NCOR1: variants seen among roughly 807,000 people sequenced by gnomAD.
NCOR1 encodes protein phosphatase 1, regulatory subunit 109.
In NCOR1, 63 loss-of-function variants were observed where a neutral mutation model predicts 288.1. That is an observed-to-expected ratio of 0.22 (90% CI 0.18 to 0.27). The LOEUF (loss-of-function observed/expected upper bound fraction) is 0.27, where lower values mean the gene tolerates loss of function less well. Among genes scored for constraint, NCOR1 ranks in the 10% least tolerant of loss-of-function variants. The pLI is 1.00. For missense variants in NCOR1, 2,397 were observed against 3,019.2 expected (o/e 0.79, Z 4.83); for synonymous variants, 1,007 against 1,065.9 (o/e 0.94, Z 1.08).
chr17:16,095,244 C>T (rs1468969326), intron 21 of NCOR1, among the ~76,000 whole-genome samples: 2 of 150,784 alleles, frequency 1.3e-5, no homozygotes, highest in Admixed American at 6.6e-5. Context: ...AGGAGCACCT[C>T]GGCCCGGCCG....
chr17:16,095,634 C>G (rs1187805641), intron 21 of NCOR1, among the ~76,000 whole-genome samples: 1 of 106,684 alleles, frequency 9.4e-6, no homozygotes, highest in Non-Finnish European at 2.0e-5. Context: ...AGCCCCTCTG[C>G]CCGGCCAGCC....
intron 43 of NCOR1, chr17:16,040,065 C>T (rs922846957): frequency 6.9e-6 from 3 of 435,374 alleles, no homozygotes; most frequent in Non-Finnish European, 1.3e-5. Flanking sequence ...GCTGGGATTA[C>T]AGGCGTGAGC....
At chr17:16,172,633 G>A (rs1049582127) in intron 3 of NCOR1, among the ~76,000 whole-genome samples, 1 of 152,182 alleles carries the variant, frequency 6.6e-6, no homozygotes, top group Admixed American at 6.5e-5. Flanking sequence ...CAGTCTTAAA[G>A]ACAAGTCTCT....
chr17:16,104,596 C>T lies in NCOR1; in HGVS notation c.2183-2839G>A, dbSNP rs555649058. Among the ~76,000 whole-genome samples, 4 of 152,238 alleles carry T rather than the reference C, an allele frequency of 2.6e-5. No individual in the cohort carries two copies. The South Asian group carries it at 6.2e-4, about 24-fold the overall frequency. On this transcript the variant is annotated intron_variant, in intron 19 of 45. Transcript: ENST00000268712. Reference sequence around the variant, plus strand: ...GACCAGCTTGGGCCACATAGTAAGACCTCATCTCTACAAAAAAATTAAAAA... The same window carrying T: ...GACCAGCTTGGGCCACATAGTAAGATCTCATCTCTACAAAAAAATTAAAAA...
intron 14 of NCOR1, among the ~76,000 whole-genome samples, chr17:16,129,382 T>C (rs1029413226): frequency 6.6e-6 from 1 of 152,250 alleles, no homozygotes; most frequent in Non-Finnish European, 1.5e-5. Context: ...GTACCTACTA[T>C]TCTACTTGCT....
chr17:16,168,470 G>C (rs1481553015), intron 4 of NCOR1, among the ~76,000 whole-genome samples: 2 of 151,782 alleles, frequency 1.3e-5, no homozygotes, highest in Non-Finnish European at 2.9e-5. Flanking sequence ...CAAAGTGCTG[G>C]GATTACAGGC....
chr17:16,092,647 T>TTATTTATATATATATA (rs1555628451), intron 21 of NCOR1, among the ~76,000 whole-genome samples: 5 of 32,132 alleles, frequency 1.6e-4, no homozygotes, highest in Admixed American at 5.9e-4. Flanking sequence ...TCAGATCCAT[T>TTATTTATATATATATA]TATATATATA....
chr17:16,181,937 A>C (rs940223304), intron 3 of NCOR1, among the ~76,000 whole-genome samples: 6 of 152,190 alleles, frequency 3.9e-5, no homozygotes, highest in Admixed American at 2.0e-4. Context: ...TATGGGTAAC[A>C]AACTTTTTTT....
chr17:16,059,834 T>A (rs543354817), intron 37 of NCOR1, among the ~76,000 whole-genome samples: 1 of 152,284 alleles, frequency 6.6e-6, no homozygotes, highest in South Asian at 2.1e-4. Flanking sequence ...CCCCACCAGG[T>A]CATGGAAACT....
rs71299858 is a variant in NCOR1 at position 16,056,308 on chromosome 17, C to CTTTTTTTTTTTTTTTTTT, written c.6392+1188_6392+1205dup. Among the ~76,000 whole-genome samples, 4 of 96,006 alleles carry CTTTTTTTTTTTTTTTTTT rather than the reference C, an allele frequency of 4.2e-5. 1 individual carries two copies. Among genetic ancestry groups the CTTTTTTTTTTTTTTTTTT allele is most frequent in the African/African-American group, 4.0e-5 (1 of 24,802 alleles). The allele number at this position is 96,006 out of a possible 152,430, so 63.0% of individuals were successfully genotyped here. A position where few individuals can be genotyped will look rare whatever the true frequency, so the allele number is the denominator to read the frequency against. On this transcript the variant is annotated intron_variant, in intron 40 of 45. Transcript: ENST00000268712. ...GTCTTGTTCTCAGCATTCTTTTTAT[C>CTTTTTTTTTTTTTTTTTT]TTTTTTTTTTTTTTTTTTTTTTGAG...
intron 18 of NCOR1, among the ~76,000 whole-genome samples, chr17:16,110,460 T>C (rs1371160681): frequency 6.6e-6 from 1 of 152,220 alleles, no homozygotes; most frequent in Non-Finnish European, 1.5e-5. Context: ...CTCATTCTTC[T>C]ACTGGGGTCG....
intron 8 of NCOR1, 143 bp from the exon 9 acceptor site, chr17:16,149,660 A>G: frequency 2.5e-6 from 1 of 402,246 alleles, no homozygotes; most frequent in South Asian, 5.8e-5. Flanking sequence ...TAATTTTTTT[A>G]CCCTGCAAAA....
At chr17:16,163,300 T>C (rs2081264998) in intron 5 of NCOR1, among the ~76,000 whole-genome samples, 1 of 152,086 alleles carries the variant, frequency 6.6e-6, no homozygotes, top group Non-Finnish European at 1.5e-5. Flanking sequence ...CCAGAATATA[T>C]AAAGAATTCT....
rs767510556 is a variant in NCOR1 at position 16,101,691 on chromosome 17, G to A, written c.2249C>T (p.Ala750Val). The A allele has an allele frequency of 1.3e-5, 21 of 1,614,062 alleles. No individual in the cohort carries two copies. The highest frequency in any genetic ancestry group is 2.2e-5 in the South Asian group (2 of 91,090). The change falls in exon 20 of 46, where the codon GCG (alanine) becomes GTG (valine). Residue 750 changes from alanine to valine, a missense_variant. Physicochemically the swap from Ala to Val is moderately conservative, Grantham distance 64 (BLOSUM62 0). This residue lies in a region of NCOR1 where 1,872 missense variants were observed against 2,187.8 expected (regional missense o/e 0.86). Coordinates refer to ENST00000268712, the MANE Select transcript of NCOR1 (RefSeq NM_006311.4). The part of the protein sequence containing the change: ...NATSRGNTEP[A>V]VELEPTTETA... ...TTCCGTGGTGGGCTCAAGCTCAACC[G>A]CAGGTTCTGTGTTTCCTCGAGAAGT...
intron 1 of NCOR1, among the ~76,000 whole-genome samples, chr17:16,199,524 T>C (rs1200495254): frequency 6.6e-6 from 1 of 152,178 alleles, no homozygotes; most frequent in Non-Finnish European, 1.5e-5. Flanking sequence ...AGTCTCCCCC[T>C]GCCCTTTCCC....
chr17:16,169,639 TA>T (rs35868101), intron 4 of NCOR1, among the ~76,000 whole-genome samples: 80,574 of 151,840 alleles, frequency 0.53, 21,786 homozygotes, highest in Middle Eastern at 0.62. Context: ...CAGGAGTTAC[TA>T]ACCTAGGTCA....
At chr17:16,106,757 G>A (rs1356219431) in intron 19 of NCOR1, among the ~76,000 whole-genome samples, 5 of 150,604 alleles carry the variant, frequency 3.3e-5, no homozygotes, top group Non-Finnish European at 7.4e-5. Flanking sequence ...CAGGAAGAGA[G>A]AGCCTACAAT....
intron 25 of NCOR1, 108 bp downstream of exon 25, chr17:16,080,300 T>A: frequency 9.8e-7 from 1 of 1,015,694 alleles, no homozygotes; most frequent in East Asian, 2.7e-5. Context: ...AATTTAGAAT[T>A]TAAAGACTAT....
intron 14 of NCOR1, among the ~76,000 whole-genome samples, chr17:16,136,195 A>AT (rs1229464220): frequency 6.6e-6 from 1 of 151,978 alleles, no homozygotes; most frequent in Non-Finnish European, 1.5e-5. Flanking sequence ...TGCCTTTTTT[A>AT]TTTTTTGGAG....
Sources: gnomAD v4.1 joint callset for allele counts (sites outside exome capture counted in the v4.1 genomes callset) on GRCh38, gnomAD v4.1.1 for gene constraint, gnomAD v4.1.1 regional missense constraint, MANE v1.5 for transcripts, NCBI Gene and HGNC (gene_info 2026-07-23, HGNC 2026-07-21) for gene names.